The following RNF130 variants were observed in gnomAD, a reference collection of about 807,000 sequenced individuals.
RNF130 encodes E3 ubiquitin-protein ligase RNF130.
Under a neutral mutation model 44.6 loss-of-function variants are expected in RNF130, and 21 were observed. The ratio of observed to expected loss-of-function variants is 0.47; its 90% CI spans 0.33 to 0.68. RNF130 has a LOEUF of 0.68. Ranked by LOEUF, RNF130 falls within the 30% of genes least tolerant of loss-of-function variation. The probability of loss-of-function intolerance (pLI) is 0.02; values close to 1 mark genes in which losing one functional copy is unlikely to be tolerated. For missense variants in RNF130, 479 were observed against 560.6 expected (o/e 0.85, Z 1.47); for synonymous variants, 214 against 210.4 (o/e 1.02, Z -0.15).
At chr5:179,975,954 G>A (rs927693610) in intron 5 of RNF130, among the ~76,000 whole-genome samples, 1 of 151,666 alleles carries the variant, frequency 6.6e-6, no homozygotes, top group Non-Finnish European at 1.5e-5. Flanking sequence ...GCATATGCCC[G>A]GCCTCCACCC....
At chr5:179,934,396 T>C (rs1405639202) in intron 7 of RNF130, among the ~76,000 whole-genome samples, 2 of 152,200 alleles carry the variant, frequency 1.3e-5, no homozygotes, top group Non-Finnish European at 2.9e-5. Flanking sequence ...TGATTATTTT[T>C]AATGTCTGTA....
At chr5:180,001,998 C>A (rs1763356766) in intron 3 of RNF130, among the ~76,000 whole-genome samples, 1 of 152,218 alleles carries the variant, frequency 6.6e-6, no homozygotes, top group African/African-American at 2.4e-5. Flanking sequence ...GGCCAAGGCA[C>A]CAACTCCCCA....
At chr5:179,954,692 C>T (rs78842864), downstream of RNF130, among the ~76,000 whole-genome samples, 44 of 152,312 alleles carry the variant, frequency 2.9e-4, no homozygotes, top group African/African-American at 9.9e-4. Context: ...ACACTTTAAA[C>T]GGGTAATTTT....
chr5:180,071,556 G>T lies in RNF130; in HGVS notation c.147C>A (p.Gly49=). Residue 49 remains glycine, a synonymous_variant, in exon 1 of 9, where the codon GGC becomes GGA. Transcript: ENST00000521389. ...GGTCGATGCGAAACGTGAGCGGGGC[G>T]CCGCGGCCGGGCTCCTGCACCGTCA... ...INVTVQEPGR[G]APLTFRIDRG... 1 of 1,429,758 alleles carries T rather than the reference G, an allele frequency of 7.0e-7. No individual in the cohort carries two copies. The highest frequency in any genetic ancestry group is 9.2e-7 in the Non-Finnish European group (1 of 1,084,078). 88.6% of individuals were successfully genotyped at this position (1,429,758 alleles called of 1,614,324 possible).
At chr5:179,968,469 C>T (rs1326316546) in intron 6 of RNF130, among the ~76,000 whole-genome samples, 1 of 151,840 alleles carries the variant, frequency 6.6e-6, no homozygotes, top group Non-Finnish European at 1.5e-5. Flanking sequence ...AGTTTGAGAC[C>T]AGCCTGGCCA....
intron 1 of RNF130, among the ~76,000 whole-genome samples, chr5:180,043,180 C>T (rs772446013): frequency 2.6e-5 from 4 of 152,166 alleles, no homozygotes; most frequent in Non-Finnish European, 5.9e-5. Context: ...AAAAAATTAG[C>T]TAGGCATGGT....
chr5:179,913,269 T>G (rs1761494836), exon 8 of RNF130: 1 of 152,072 alleles, frequency 6.6e-6, no homozygotes, highest in African/African-American at 2.4e-5. Flanking sequence ...CAGGAGGAAC[T>G]CCACAGCCCA....
chr5:179,953,374 A>T (rs1246890990), downstream of RNF130, among the ~76,000 whole-genome samples: 1 of 152,292 alleles, frequency 6.6e-6, no homozygotes, highest in Non-Finnish European at 1.5e-5. Flanking sequence ...GAATAAAGAA[A>T]ACAAACCTGG....
intron 3 of RNF130, among the ~76,000 whole-genome samples, chr5:180,007,707 A>T (rs1164369902): frequency 6.6e-6 from 1 of 152,190 alleles, no homozygotes; most frequent in Non-Finnish European, 1.5e-5. Flanking sequence ...GCCGCAAAAT[A>T]AATGCTAGGA....
At chr5:180,003,509 G>A (rs529496523) in intron 3 of RNF130, among the ~76,000 whole-genome samples, 1 of 152,306 alleles carries the variant, frequency 6.6e-6, no homozygotes, top group South Asian at 2.1e-4. Context: ...TACCTTCACT[G>A]TAATTTTTCT....
At chr5:180,046,588 G>A (rs1292772950) in intron 1 of RNF130, among the ~76,000 whole-genome samples, 2 of 152,182 alleles carry the variant, frequency 1.3e-5, no homozygotes, top group Non-Finnish European at 2.9e-5. Context: ...CTGCAGTGAT[G>A]GTCAAAACAG....
chr5:180,067,702 C>G (rs898686744), intron 1 of RNF130, among the ~76,000 whole-genome samples: 1 of 152,118 alleles, frequency 6.6e-6, no homozygotes. Flanking sequence ...ATTTTTAGAG[C>G]CTCCAGCTCT....
intron 2 of RNF130, among the ~76,000 whole-genome samples, chr5:180,025,987 T>G (rs949528252): frequency 6.6e-6 from 1 of 152,154 alleles, no homozygotes; most frequent in Non-Finnish European, 1.5e-5. Flanking sequence ...CACAGTGAAT[T>G]TTCTATATTT....
intron 3 of RNF130, among the ~76,000 whole-genome samples, chr5:180,006,979 A>G (rs1763474682): frequency 6.6e-6 from 1 of 152,200 alleles, no homozygotes; most frequent in Non-Finnish European, 1.5e-5. Context: ...TGAAAAGCCA[A>G]AGCATTAGAT....
chr5:179,922,476 C>T (rs1761648661), intron 7 of RNF130, among the ~76,000 whole-genome samples: 1 of 151,944 alleles, frequency 6.6e-6, no homozygotes, highest in Non-Finnish European at 1.5e-5. Flanking sequence ...CAATGCCCAG[C>T]TAATTTTTGT....
chr5:179,948,487 T>C (rs753986030), intron 7 of RNF130, among the ~76,000 whole-genome samples: 2 of 152,096 alleles, frequency 1.3e-5, no homozygotes, highest in Non-Finnish European at 1.5e-5. Context: ...CTAGCCAACA[T>C]GGTGAAACCC....
rs534539573 is a variant in RNF130, at chr5:180,038,176, G to A, written c.442+2277C>T. On this transcript the variant is annotated intron_variant, in intron 2 of 8. Transcript: ENST00000521389. ...TTCAGGAAATCCTCTCACCCAAGCC[G>A]CCCAAGCAGCTGGGACTACAGGAAT... Among the ~76,000 whole-genome samples the A allele has an allele frequency of 1.1e-4, 17 of 152,056 alleles. No individual in the cohort carries two copies. The South Asian group carries it at 1.2e-3, about 11-fold the overall frequency.
At chr5:180,040,396 A>G in intron 2 of RNF130, 57 bp downstream of exon 2, 1 of 1,501,724 alleles carries the variant, frequency 6.7e-7, no homozygotes, top group Admixed American at 1.8e-5. Flanking sequence ...ATGCTTACCT[A>G]TAAAGCAATG....
chr5:179,937,933 TGAGAGAGA>T lies in RNF130; in HGVS notation c.1151-17515_1151-17508del, dbSNP rs3078901. ...GTGTGTGTGTGTGTGTGTGTGTGTGTGAGAGAGAGAGAGAGAGAGAGAGAGAGAGAGAG... is the reference window on the plus strand; with the variant it reads ...GTGTGTGTGTGTGTGTGTGTGTGTGTGAGAGAGAGAGAGAGAGAGAGAGAG... On this transcript the variant is annotated intron_variant, in intron 7 of 7. Coordinates refer to the RNF130 transcript ENST00000522208. Among the ~76,000 whole-genome samples the T allele has an allele frequency of 6.6e-3, 772 of 116,262 alleles. 2 individuals are homozygous for T. Among genetic ancestry groups the T allele is most frequent in the Non-Finnish European group, 8.0e-3 (451 of 56,210 alleles). 76.3% of individuals were successfully genotyped at this position (116,262 alleles called of 152,430 possible).
Sources: gnomAD v4.1 joint callset for allele counts (sites outside exome capture counted in the v4.1 genomes callset) on GRCh38, gnomAD v4.1.1 for gene constraint, MANE v1.5 for transcripts, NCBI Gene and HGNC (gene_info 2026-07-23, HGNC 2026-07-21) for gene names.